CNTNAP2: variants seen among roughly 807,000 people sequenced by gnomAD.
CNTNAP2 encodes the protein contactin-associated protein-like 2.
In CNTNAP2, 98 loss-of-function variants were observed where a neutral mutation model predicts 155.2. The ratio of observed to expected loss-of-function variants is 0.63; its 90% confidence interval spans 0.54 to 0.75. The LOEUF (loss-of-function observed/expected upper bound fraction) is 0.75, where lower values mean the gene tolerates loss of function less well. CNTNAP2 is among the 30% of genes least tolerant of loss of function. The pLI, the probability that CNTNAP2 is intolerant of heterozygous loss-of-function variation, is 0.00. For synonymous variants in CNTNAP2, 651 were observed against 631.2 expected (o/e 1.03, Z -0.47); for missense variants, 1,727 against 1,688.1 (o/e 1.02, Z -0.40).
chr7:147,653,655 AGCAGAGGGGAG>A (rs1437834865), intron 13 of CNTNAP2, among the ~76,000 whole-genome samples: 1 of 152,148 alleles, frequency 6.6e-6, no homozygotes, highest in East Asian at 1.9e-4. Flanking sequence ...TGGGTGTATA[AGCAGAGGGGAG>A]GGAGGTCCTG....
chr7:147,607,220 AG>A (rs777018590), intron 12 of CNTNAP2, among the ~76,000 whole-genome samples: 16 of 151,144 alleles, frequency 1.1e-4, no homozygotes, highest in Non-Finnish European at 2.2e-4. Context: ...TTCCAAGGGA[AG>A]TTCAGAGAAA....
intron 1 of CNTNAP2, among the ~76,000 whole-genome samples, chr7:146,675,508 G>A (rs974259638): frequency 4.6e-5 from 7 of 152,066 alleles, no homozygotes; most frequent in African/African-American, 1.7e-4. Flanking sequence ...GATGGGCAAG[G>A]CTTTTTGCTG....
rs545156333 is a variant in CNTNAP2, at chr7:146,318,937, CA to C, written c.97+201968del. 7.9e-5 allele frequency among the ~76,000 whole-genome samples: 12 copies of C among 152,124 alleles called. No individual in the cohort carries two copies. The South Asian group carries it at 2.5e-3, about 32-fold the overall frequency. On this transcript the variant is annotated intron_variant, in intron 1 of 23. Coordinates refer to ENST00000361727, the MANE Select transcript of CNTNAP2 (RefSeq NM_014141.6). ...TTTGTAAATATAACCGATTGACAGC[CA>C]AAACAGTCCTTGGAGACAGATATCT...
intron 15 of CNTNAP2, among the ~76,000 whole-genome samples, chr7:148,055,141 C>T (rs1248267698): frequency 6.6e-6 from 1 of 152,112 alleles, no homozygotes; most frequent in Non-Finnish European, 1.5e-5. Flanking sequence ...GCCTCGGCCT[C>T]CCAAAGTGCT....
chr7:147,942,038 G>A (rs185528801), intron 14 of CNTNAP2, among the ~76,000 whole-genome samples: 5 of 152,240 alleles, frequency 3.3e-5, no homozygotes, highest in African/African-American at 1.2e-4. Flanking sequence ...TTTAAGACAC[G>A]TTTATTTTAT....
chr7:147,773,212 C>A (rs1452888874), intron 13 of CNTNAP2, among the ~76,000 whole-genome samples: 1 of 152,108 alleles, frequency 6.6e-6, no homozygotes, highest in Non-Finnish European at 1.5e-5. Flanking sequence ...ATTGAATGTT[C>A]AGTATTTTTT....
chr7:148,016,907 T>C (rs1802187787), intron 15 of CNTNAP2, among the ~76,000 whole-genome samples: 1 of 152,224 alleles, frequency 6.6e-6, no homozygotes, highest in Non-Finnish European at 1.5e-5. Context: ...TCTTGACTAA[T>C]AGATGCTATG....
chr7:146,259,154 A>C (rs1427791671), intron 1 of CNTNAP2, among the ~76,000 whole-genome samples: 1 of 152,166 alleles, frequency 6.6e-6, no homozygotes, highest in East Asian at 1.9e-4. Context: ...CTGTGATTGT[A>C]AGTTTCCTGA....
intron 1 of CNTNAP2, among the ~76,000 whole-genome samples, chr7:146,527,533 G>GT (rs35021837): frequency 0.029 from 4,408 of 150,222 alleles, 276 homozygotes; most frequent in African/African-American, 0.1. Flanking sequence ...GTATTTGTAA[G>GT]GGTATATATA....
intron 13 of CNTNAP2, among the ~76,000 whole-genome samples, chr7:147,752,916 T>G (rs540199026): frequency 6.6e-6 from 1 of 152,296 alleles, no homozygotes; most frequent in African/African-American, 2.4e-5. Flanking sequence ...CCTTCCAATT[T>G]CTGTAGAGCA....
chr7:147,222,811 GTTTT>G (rs35654327), intron 8 of CNTNAP2, among the ~76,000 whole-genome samples: 10 of 81,908 alleles, frequency 1.2e-4, no homozygotes, highest in Non-Finnish European at 1.7e-4. Context: ...GTTTCTCAGG[GTTTT>G]TTTTTTTTTT....
Position 147,070,348 on chromosome 7 carries a change from C to T in CNTNAP2, c.550+26294C>T, listed in dbSNP as rs772648853. Reference sequence around the variant, plus strand: ...GAGGCAGAAAAAGCACATTGCCTGTCGGGGAAAAATGAGCTATCAATTCTT... The same window carrying T: ...GAGGCAGAAAAAGCACATTGCCTGTTGGGGAAAAATGAGCTATCAATTCTT... On this transcript the variant is annotated intron_variant, in intron 4 of 23. Transcript: ENST00000361727. Among the ~76,000 whole-genome samples, 4 of 152,144 alleles carry T rather than the reference C, an allele frequency of 2.6e-5. No individual in the cohort carries two copies. In the South Asian group the frequency reaches 6.2e-4, roughly 24 times the overall value.
At chr7:146,433,065 T>C (rs1455160029) in intron 1 of CNTNAP2, among the ~76,000 whole-genome samples, 1 of 152,054 alleles carries the variant, frequency 6.6e-6, no homozygotes, top group Non-Finnish European at 1.5e-5. Context: ...AACTAAGAAG[T>C]GTCTCGCATT....
rs560388696 is a variant in CNTNAP2, at chr7:148,076,520, C to T, written c.2384-41598C>T. The stretch of plus-strand genomic sequence containing the variant: ...GCCCGATCTCGGCTCACTGCAGGCT[C>T]GATCTCCCAGGTTCATGCCATTCTC... On this transcript the variant is annotated intron_variant, in intron 15 of 23. Coordinates refer to ENST00000361727, the MANE Select transcript of CNTNAP2 (RefSeq NM_014141.6). 3.5e-5 allele frequency among the ~76,000 whole-genome samples: 5 copies of T among 143,092 alleles called. No individual in the cohort carries two copies. In the East Asian group the frequency reaches 1.1e-3, roughly 31 times the overall value. The allele number at this position is 143,092 out of a possible 152,430, so 93.9% of individuals were successfully genotyped here.
intron 23 of CNTNAP2, among the ~76,000 whole-genome samples, chr7:148,415,075 G>C (rs984792961): frequency 1.3e-5 from 2 of 152,140 alleles, no homozygotes; most frequent in Admixed American, 6.5e-5. Context: ...CTGCCAGCCA[G>C]AAAACTAGGA....
chr7:147,269,381 C>T (rs969517451), intron 8 of CNTNAP2, among the ~76,000 whole-genome samples: 4 of 152,070 alleles, frequency 2.6e-5, no homozygotes, highest in African/African-American at 9.7e-5. Flanking sequence ...AAGTGTTCAC[C>T]CACTCAACAT....
rs148315557 is a variant in CNTNAP2, at chr7:146,845,798, G to C, written c.402+5894G>C. Among the ~76,000 whole-genome samples the C allele has an allele frequency of 1.2e-4, 19 of 152,314 alleles. No individual in the cohort carries two copies. The East Asian group carries it at 3.3e-3, about 26-fold the overall frequency. ...AGATAGTGCAGTGCAGGCTGGGTCA[G>C]TGAGGCATGACAGGTAGACCTAGCT... On this transcript the variant is annotated intron_variant, in intron 3 of 23. Transcript: ENST00000361727.
chr7:146,651,841 A>G (rs1027024518), intron 1 of CNTNAP2, among the ~76,000 whole-genome samples: 2 of 152,166 alleles, frequency 1.3e-5, no homozygotes, highest in Non-Finnish European at 2.9e-5. Flanking sequence ...ATGCAAAACC[A>G]TTGTCTGTCA....
intron 1 of CNTNAP2, among the ~76,000 whole-genome samples, chr7:146,466,301 T>C (rs1390846354): frequency 6.6e-6 from 1 of 152,118 alleles, no homozygotes; most frequent in Non-Finnish European, 1.5e-5. Context: ...GGGAGTGGGA[T>C]CACATCAGCT....
Sources: gnomAD v4.1 joint callset for allele counts (sites outside exome capture counted in the v4.1 genomes callset) on GRCh38, gnomAD v4.1.1 for gene constraint, MANE v1.5 for transcripts, NCBI Gene and HGNC (gene_info 2026-07-23, HGNC 2026-07-21) for gene names.